MPP4: variants seen among roughly 807,000 people sequenced by gnomAD.
MPP4 encodes the protein MAGUK p55 subfamily member 4.
In MPP4, 91 loss-of-function variants were observed where a neutral mutation model predicts 98.3. The ratio of observed to expected loss-of-function variants is 0.93; its 90% confidence interval spans 0.78 to 1.10. The LOEUF (loss-of-function observed/expected upper bound fraction) is 1.10. MPP4 is among the 50% of genes least tolerant of loss of function. The probability of loss-of-function intolerance (pLI) is 0.00; values close to 1 mark genes in which losing one functional copy is unlikely to be tolerated. For synonymous variants in MPP4, 261 were observed against 271.8 expected, an observed-to-expected ratio of 0.96 and a Z score of 0.39; for missense variants, 744 against 792.9, an observed-to-expected ratio of 0.94 and a Z score of 0.74.
chr2:201,656,429 C>A, intron 16 of MPP4, 61 bp from the exon 17 acceptor site: 1 of 1,427,786 alleles, frequency 7.0e-7, no homozygotes, highest in Non-Finnish European at 9.4e-7. Flanking sequence ...TGTAGCTTCA[C>A]ACCTGATGAA....
intron 12 of MPP4, among the ~76,000 whole-genome samples, chr2:201,668,477 C>CTCTTCTCTTCCT (rs1553493949): frequency 2.6e-4 from 38 of 146,910 alleles, no homozygotes; most frequent in African/African-American, 9.6e-4. Flanking sequence ...CTCTTCTCTT[C>CTCTTCTCTTCCT]CTCTCTCTCT....
intron 18 of MPP4, chr2:201,651,504 TA>T (rs34220305): frequency 2.0e-6 from 2 of 985,472 alleles, no homozygotes; most frequent in East Asian, 2.3e-4. Context: ...TGAATTGATG[TA>T]TAACTCGAGG....
At chr2:201,674,251 CT>C (rs1688434142) in intron 11 of MPP4, among the ~76,000 whole-genome samples, 2 of 152,208 alleles carry the variant, frequency 1.3e-5, no homozygotes, top group African/African-American at 4.8e-5. Flanking sequence ...CACATATGAG[CT>C]GCAGAGATCT....
chr2:201,683,723 G>A (rs1033155488), intron 7 of MPP4, among the ~76,000 whole-genome samples: 1 of 150,720 alleles, frequency 6.6e-6, no homozygotes, highest in African/African-American at 2.4e-5. Context: ...CTGCACTCCA[G>A]CCTAGGTGAC....
intron 12 of MPP4, among the ~76,000 whole-genome samples, chr2:201,669,088 T>TTG (rs770178008): frequency 0.031 from 4,429 of 141,508 alleles, 190 homozygotes; most frequent in African/African-American, 0.11. Context: ...GCATCTTGCT[T>TTG]TGTGTGTGTG....
At chr2:201,657,590 G>GTTTGTTTTTTT (rs1687884617) in intron 16 of MPP4, among the ~76,000 whole-genome samples, 1 of 91,124 alleles carries the variant, frequency 1.1e-5, no homozygotes, top group South Asian at 3.8e-4. Context: ...CCTGGCCCTT[G>GTTTGTTTTTTT]TTTTTTTTTT....
At chr2:201,677,893 C>T (rs771873693) in intron 10 of MPP4, among the ~76,000 whole-genome samples, 13 of 152,146 alleles carry the variant, frequency 8.5e-5, no homozygotes, top group South Asian at 4.1e-4. Flanking sequence ...CATCAGCCCG[C>T]GCTCGGGGCA....
intron 10 of MPP4, among the ~76,000 whole-genome samples, chr2:201,675,801 T>C (rs1464669636): frequency 6.6e-6 from 1 of 152,186 alleles, no homozygotes; most frequent in African/African-American, 2.4e-5. Context: ...CCCAGCAATT[T>C]CTTTGGGCAG....
At chr2:201,654,979 A>G in intron 17 of MPP4, 62 bp from the exon 18 acceptor site, 1 of 1,133,054 alleles carries the variant, frequency 8.8e-7, no homozygotes, top group Non-Finnish European at 1.3e-6. Flanking sequence ...TATGTGATGG[A>G]ATTATCATTT....
chr2:201,695,183 G>T (rs938587897), intron 1 of MPP4, among the ~76,000 whole-genome samples: 17 of 152,112 alleles, frequency 1.1e-4, no homozygotes, highest in Non-Finnish European at 1.9e-4. Flanking sequence ...TCACCCTAGG[G>T]TGTAGCATGG....
At chr2:201,656,435 A>C (rs1687851651) in intron 16 of MPP4, 67 bp from the exon 17 acceptor site, 1 of 1,394,316 alleles carries the variant, frequency 7.2e-7, no homozygotes, top group African/African-American at 1.4e-5. Context: ...TTCACACCTG[A>C]TGAAATATGT....
At chr2:201,673,242 C>T (rs1688394216) in intron 11 of MPP4, among the ~76,000 whole-genome samples, 1 of 152,140 alleles carries the variant, frequency 6.6e-6, no homozygotes, top group African/African-American at 2.4e-5. Context: ...CTATTTATGA[C>T]AAACGCACAG....
intron 17 of MPP4, among the ~76,000 whole-genome samples, chr2:201,655,440 G>A (rs1012945383): frequency 1.3e-5 from 2 of 152,218 alleles, no homozygotes; most frequent in Non-Finnish European, 2.9e-5. Context: ...GAAGGATACT[G>A]TGCTTGGATG....
chr2:201,659,575 G>A (rs1384028667), intron 15 of MPP4, among the ~76,000 whole-genome samples: 4 of 152,210 alleles, frequency 2.6e-5, no homozygotes, highest in African/African-American at 9.7e-5. Flanking sequence ...GCTCATGCCT[G>A]TAATCCTAGC....
intron 10 of MPP4, 37 bp from the exon 11 acceptor site, chr2:201,675,308 CAAAA>C: frequency 6.3e-7 from 1 of 1,577,854 alleles, no homozygotes; most frequent in South Asian, 1.2e-5. Context: ...AAAAAACAAA[CAAAA>C]ACCACTCTTT....
intron 18 of MPP4, chr2:201,651,220 C>A: frequency 9.1e-6 from 9 of 985,330 alleles, no homozygotes; most frequent in Non-Finnish European, 1.1e-5. Context: ...AGCTAGAAAC[C>A]GGCCTTAAAT....
At chr2:201,684,136 T>G (rs1245214807) in intron 7 of MPP4, among the ~76,000 whole-genome samples, 1 of 151,738 alleles carries the variant, frequency 6.6e-6, no homozygotes, top group Non-Finnish European at 1.5e-5. Context: ...GAAGGATTGC[T>G]TGAGCCCAGG....
intron 12 of MPP4, among the ~76,000 whole-genome samples, chr2:201,667,760 C>T (rs1365603050): frequency 2.0e-5 from 3 of 152,148 alleles, no homozygotes; most frequent in Non-Finnish European, 4.4e-5. Context: ...ATAAGCTACA[C>T]TATAAGGTAA....
At position 201,650,089 on chromosome 2, in the gene MPP4, GT is replaced by G. The variant is rs761406030; in HGVS notation, c.1457del (p.Asn486ThrfsTer40). 4.4e-6 allele frequency: 7 copies of G among 1,574,648 alleles called. No individual in the cohort carries two copies. In the South Asian group the frequency reaches 8.2e-5, roughly 18 times the overall value. ...TACTTTACCTGTGACTATATATGAG[GT>G]TTTCAAATGTTTCCTTGGACACATA... ...YHYVSKETFE[N>X]LIYSHRMLEY... On this transcript the variant is annotated frameshift_variant, in exon 19 of 22. Coordinates refer to ENST00000409474, the MANE Select transcript of MPP4 (RefSeq NM_033066.3). LOFTEE classifies it high-confidence loss of function.
Sources: gnomAD v4.1 joint callset for allele counts (sites outside exome capture counted in the v4.1 genomes callset) on GRCh38, gnomAD v4.1.1 for gene constraint, MANE v1.5 for transcripts, NCBI Gene and HGNC (gene_info 2026-07-23, HGNC 2026-07-21) for gene names.